AGBL2: variants seen among roughly 807,000 people sequenced by gnomAD.
AGBL2 encodes cytosolic carboxypeptidase 2.
In AGBL2, 87 loss-of-function variants were observed where a neutral mutation model predicts 103.0. That is an observed-to-expected ratio of 0.84 (90% CI 0.71 to 1.01). AGBL2 has a LOEUF of 1.01. Among genes scored for constraint, AGBL2 ranks in the 50% least tolerant of loss-of-function variants. The probability of loss-of-function intolerance (pLI) is 0.00; values close to 1 mark genes in which losing one functional copy is unlikely to be tolerated. For synonymous variants in AGBL2, 335 were observed against 356.7 expected (o/e 0.94, Z 0.69); for missense variants, 904 against 1,023.5 (o/e 0.88, Z 1.59).
rs1385896853 is a variant in AGBL2 at position 47,660,323 on chromosome 11, T to A, written c.2559A>T (p.Val853=). The A allele has an allele frequency of 6.2e-7, 1 of 1,613,814 alleles. No homozygotes were observed. The highest frequency in any genetic ancestry group is 1.7e-5 in the Admixed American group (1 of 59,856). ...TTATGGTTCTCTTTGGAGAGCATGA[T>A]ACTGTAAAGCCTGGCTTCTTATTCT... ...RMQNKKPGFT[V]SCSPKRTINS... Residue 853 remains valine, a synonymous_variant, in exon 19 of 19, where the codon GTA becomes GTT. Transcript: ENST00000525123.
chr11:47,714,224 A>G (rs1424402737), intron 3 of AGBL2, 60 bp downstream of exon 3: 2 of 1,347,204 alleles, frequency 1.5e-6, no homozygotes, highest in Admixed American at 3.5e-5. Context: ...CTCCCAGCTA[A>G]CGAAGCAATT....
At chr11:47,678,335 A>AATT (rs2097384812) in intron 13 of AGBL2, among the ~76,000 whole-genome samples, 1 of 67,788 alleles carries the variant, frequency 1.5e-5, no homozygotes, top group Admixed American at 2.0e-4. Flanking sequence ...ATTTTATTTT[A>AATT]TTATTTTATT....
At position 47,714,330 on chromosome 11, in the gene AGBL2, A is replaced by C; in HGVS notation, c.51T>G (p.Tyr17Ter). ...GGAGGTGACGGTACATAAAGTCTTC[A>C]TAAGGATCAGGAATAGTCTGTGAAA... ...THLKQTIPDP[Y>*]EDFMYRHLQY... Residue 17 changes from tyrosine (Y) to a stop codon, truncating the protein, a stop_gained, in exon 3 of 19, where the codon TAT becomes TAG. Coordinates refer to ENST00000525123, the MANE Select transcript of AGBL2 (RefSeq NM_024783.4). LOFTEE classifies it high-confidence loss of function. 1.2e-6 allele frequency: 2 copies of C among 1,613,110 alleles called. No homozygotes were observed. Among genetic ancestry groups the C allele is most frequent in the Non-Finnish European group, 1.7e-6 (2 of 1,179,472 alleles).
At position 47,660,195 on chromosome 11, in the gene AGBL2, A is replaced by T; in HGVS notation, c.2687T>A (p.Leu896Ter). The change falls in exon 19 of 19, where the codon TTG (leucine) becomes TAG (stop). Residue 896 changes from leucine to a stop codon, truncating the protein, a stop_gained. Transcript: ENST00000525123. LOFTEE classifies it high-confidence loss of function. ...CACCTACGGGTATGTGTATATGTGCAAGGATGGGTATGCCGCCATGGCAGC... is the reference window on the plus strand; with the variant it reads ...CACCTACGGGTATGTGTATATGTGCTAGGATGGGTATGCCGCCATGGCAGC... ...GCAAMAAYPS[L>*]HIYTYP The T allele has an allele frequency of 6.2e-7, 1 of 1,614,064 alleles. No homozygotes were observed. The highest frequency in any genetic ancestry group is 8.5e-7 in the Non-Finnish European group (1 of 1,180,010).
At chr11:47,697,698 A>G (rs1346895862) in intron 8 of AGBL2, among the ~76,000 whole-genome samples, 2 of 150,608 alleles carry the variant, frequency 1.3e-5, no homozygotes, top group East Asian at 3.9e-4. Context: ...GGCGTGTGCC[A>G]CCACGCCCGG....
chr11:47,661,289 G>A (rs2097327332), intron 18 of AGBL2, among the ~76,000 whole-genome samples: 2 of 152,120 alleles, frequency 1.3e-5, no homozygotes, highest in South Asian at 4.1e-4. Flanking sequence ...TTTCAGTTCT[G>A]GGATATGGTT....
intron 11 of AGBL2, among the ~76,000 whole-genome samples, chr11:47,683,265 C>T (rs931857481): frequency 7.2e-5 from 11 of 152,028 alleles, no homozygotes; most frequent in Non-Finnish European, 7.4e-5. Flanking sequence ...CCCAGCTACT[C>T]AGGAGGCTGA....
chr11:47,663,957 C>T (rs1380497889), intron 17 of AGBL2, among the ~76,000 whole-genome samples: 8 of 152,158 alleles, frequency 5.3e-5, no homozygotes, highest in African/African-American at 7.2e-5. Context: ...TGAGTTCAAG[C>T]GATTCTCCTG....
At chr11:47,712,863 C>T (rs1197757385) in intron 3 of AGBL2, among the ~76,000 whole-genome samples, 4 of 151,784 alleles carry the variant, frequency 2.6e-5, no homozygotes, top group South Asian at 2.1e-4. Context: ...ATGGTGAAAC[C>T]GTTTCTACTA....
chr11:47,674,606 G>A (rs1423890248), intron 14 of AGBL2, among the ~76,000 whole-genome samples: 1 of 151,850 alleles, frequency 6.6e-6, no homozygotes, highest in African/African-American at 2.4e-5. Flanking sequence ...GGAGGCCATA[G>A]AGGTATCAGG....
chr11:47,673,953 G>A (rs372190726), intron 14 of AGBL2, among the ~76,000 whole-genome samples: 8 of 151,042 alleles, frequency 5.3e-5, no homozygotes, highest in South Asian at 4.2e-4. Context: ...TTAGCCAGCC[G>A]TGGTGGTGGG....
intron 10 of AGBL2, among the ~76,000 whole-genome samples, chr11:47,689,491 G>T (rs1391875590): frequency 2.0e-5 from 3 of 151,764 alleles, no homozygotes; most frequent in Non-Finnish European, 4.4e-5. Flanking sequence ...CTTTAGCAGA[G>T]ACTGGGTTTC....
At chr11:47,696,010 C>CAAAAAAAAAAAAA (rs1171058500) in intron 8 of AGBL2, among the ~76,000 whole-genome samples, 63 of 17,202 alleles carry the variant, frequency 3.7e-3, no homozygotes, top group South Asian at 4.6e-3. Flanking sequence ...ACTAAAAATA[C>CAAAAAAAAAAAAA]AAAAAAAAAA....
intron 9 of AGBL2, among the ~76,000 whole-genome samples, chr11:47,691,261 C>A (rs986459405): frequency 6.6e-6 from 1 of 151,732 alleles, no homozygotes; most frequent in African/African-American, 2.4e-5. Context: ...AAGACTCCAT[C>A]TTGAGGAAAA....
In AGBL2 at chr11:47,705,643, AAAAAAAAAAAAAAAG is replaced by A. The variant is rs765903684; in HGVS notation, c.287-24_287-10del. On this transcript the variant is annotated splice_polypyrimidine_tract_variant and intron_variant, in intron 5 of 18. Transcript: ENST00000525123. ...CAGGCAAGAGTGAAAGTCTGTGTCA[AAAAAAAAAAAAAAAG>A]AAAAAGAAAAAGAAGAAAGGGAATG... 1 of 284,556 alleles carries A rather than the reference AAAAAAAAAAAAAAAG, an allele frequency of 3.5e-6. No individual in the cohort carries two copies. Among genetic ancestry groups the A allele is most frequent in the South Asian group, 6.6e-5 (1 of 15,050 alleles). The allele number at this position is 284,556 out of a possible 1,614,324, so 17.6% of individuals were successfully genotyped here. A position where few individuals can be genotyped will look rare whatever the true frequency, so the allele number is the denominator to read the frequency against.
chr11:47,710,798 A>C (rs1013198990), intron 3 of AGBL2: 6 of 502,050 alleles, frequency 1.2e-5, no homozygotes, highest in Non-Finnish European at 1.6e-5. Context: ...TGAAGCTACA[A>C]GGGCTGTGTT....
intron 9 of AGBL2, 54 bp downstream of exon 9, chr11:47,692,049 G>A (rs957127008): frequency 1.0e-5 from 15 of 1,485,464 alleles, no homozygotes; most frequent in Non-Finnish European, 1.4e-5. Context: ...TATCATTACT[G>A]AAGACACCTT....
chr11:47,666,641 A>T (rs1392402984), intron 17 of AGBL2: 1 of 544,586 alleles, frequency 1.8e-6, no homozygotes, highest in Admixed American at 3.7e-5. Context: ...AAATTCATTG[A>T]TTTATTTTAA....
At chr11:47,674,139 T>C (rs1469453025) in intron 14 of AGBL2, among the ~76,000 whole-genome samples, 3 of 151,848 alleles carry the variant, frequency 2.0e-5, no homozygotes, top group African/African-American at 7.3e-5. Context: ...ACTTAAATGA[T>C]ACAGAATGAC....
Sources: gnomAD v4.1 joint callset for allele counts (sites outside exome capture counted in the v4.1 genomes callset) on GRCh38, gnomAD v4.1.1 for gene constraint, MANE v1.5 for transcripts, NCBI Gene and HGNC (gene_info 2026-07-23, HGNC 2026-07-21) for gene names.